LUZP2: variants seen among roughly 807,000 people sequenced by gnomAD.
LUZP2 encodes the protein leucine zipper protein 2.
LUZP2 carries 52 observed loss-of-function variants against 51.6 expected under a neutral mutation model. The ratio of observed to expected loss-of-function variants is 1.01; its 90% CI spans 0.81 to 1.27. The LOEUF is 1.27. Among genes scored for constraint, LUZP2 ranks in the 50% most tolerant of loss-of-function variants. LUZP2 has a pLI of 0.00. For synonymous variants in LUZP2, 154 were observed against 137.3 expected (o/e 1.12, Z -0.85); for missense variants, 436 against 395.4 (o/e 1.10, Z -0.87).
At chr11:25,002,926 G>T (rs949121813) in intron 9 of LUZP2, among the ~76,000 whole-genome samples, 1 of 152,032 alleles carries the variant, frequency 6.6e-6, no homozygotes, top group Non-Finnish European at 1.5e-5. Context: ...TGTATACAGG[G>T]ATCCATAGTC....
intron 5 of LUZP2, among the ~76,000 whole-genome samples, chr11:24,896,821 T>A (rs568535769): frequency 3.9e-4 from 60 of 152,314 alleles, no homozygotes; most frequent in Admixed American, 1.0e-3. Flanking sequence ...TATGCACCAA[T>A]CAGCACTCTG....
intron 1 of LUZP2, among the ~76,000 whole-genome samples, chr11:24,724,929 C>A (rs183229657): frequency 1.8e-4 from 28 of 152,018 alleles, no homozygotes; most frequent in Admixed American, 1.0e-3. Context: ...ATAAGTCTAA[C>A]AAAAAATGAG....
intron 1 of LUZP2, among the ~76,000 whole-genome samples, chr11:24,727,897 G>A (rs534252886): frequency 2.6e-5 from 4 of 151,936 alleles, no homozygotes; most frequent in East Asian, 1.9e-4. Flanking sequence ...TGAGATGAAC[G>A]TATTAATCAT....
At chr11:24,683,809 G>A (rs1293419663) in intron 1 of LUZP2, among the ~76,000 whole-genome samples, 1 of 151,990 alleles carries the variant, frequency 6.6e-6, no homozygotes, top group Non-Finnish European at 1.5e-5. Flanking sequence ...CCTTTAATAG[G>A]TCTATTATGA....
intron 1 of LUZP2, among the ~76,000 whole-genome samples, chr11:24,502,073 G>A (rs75855701): frequency 0.051 from 7,431 of 145,542 alleles, 202 homozygotes; most frequent in Middle Eastern, 0.1. Context: ...GAAGGTAACA[G>A]CCTTCAATTG....
chr11:24,819,445 A>G (rs1442408613), intron 5 of LUZP2, among the ~76,000 whole-genome samples: 1 of 152,096 alleles, frequency 6.6e-6, no homozygotes, highest in Non-Finnish European at 1.5e-5. Flanking sequence ...TCCACATTAT[A>G]TTCCTGGGAT....
intron 1 of LUZP2, among the ~76,000 whole-genome samples, chr11:24,660,226 G>T (rs116255246): frequency 1.3e-5 from 2 of 152,134 alleles, no homozygotes; most frequent in African/African-American, 4.8e-5. Flanking sequence ...CAGTAAAAGC[G>T]TGCCAGTCCA....
At chr11:24,839,064 A>G (rs577866058) in intron 5 of LUZP2, among the ~76,000 whole-genome samples, 1 of 151,778 alleles carries the variant, frequency 6.6e-6, no homozygotes, top group Non-Finnish European at 1.5e-5. Context: ...ATTCAAATTT[A>G]TGTATGAGGA....
chr11:24,938,886 A>G (rs1854664655), intron 7 of LUZP2, among the ~76,000 whole-genome samples: 1 of 152,204 alleles, frequency 6.6e-6, no homozygotes, highest in Non-Finnish European at 1.5e-5. Flanking sequence ...GAACACGTGT[A>G]GGAAAGCACC....
At chr11:24,902,859 T>C (rs1383568805) in intron 5 of LUZP2, among the ~76,000 whole-genome samples, 3 of 152,084 alleles carry the variant, frequency 2.0e-5, no homozygotes, top group African/African-American at 7.2e-5. Flanking sequence ...GCAGCATTAA[T>C]AAGTGAACAA....
At chr11:25,074,770 T>C (rs560385924) in intron 10 of LUZP2, among the ~76,000 whole-genome samples, 3 of 152,232 alleles carry the variant, frequency 2.0e-5, no homozygotes, top group African/African-American at 7.2e-5. Flanking sequence ...CCCATATTTA[T>C]AGGACAGAAT....
chr11:24,875,045 G>T (rs1406146460), intron 5 of LUZP2, among the ~76,000 whole-genome samples: 1 of 152,022 alleles, frequency 6.6e-6, no homozygotes, highest in African/African-American at 2.4e-5. Context: ...CAGAGGAGAC[G>T]CTAGCCCCTT....
chr11:24,516,387 A>G (rs1386676159), intron 1 of LUZP2, among the ~76,000 whole-genome samples: 1 of 152,236 alleles, frequency 6.6e-6, no homozygotes, highest in Non-Finnish European at 1.5e-5. Context: ...AAATCTGGGA[A>G]TAGCCACCCA....
chr11:24,720,361 A>G (rs1339571848), intron 1 of LUZP2, among the ~76,000 whole-genome samples: 1 of 152,234 alleles, frequency 6.6e-6, no homozygotes, highest in Non-Finnish European at 1.5e-5. Context: ...ATAAATGTAA[A>G]AATTATAAGC....
rs1857221898 is a variant in LUZP2, at chr11:25,018,253, CAG to C, written c.766-31780_766-31779del. 2.6e-5 allele frequency among the ~76,000 whole-genome samples: 4 copies of C among 152,202 alleles called. No individual in the cohort carries two copies. The South Asian group carries it at 8.3e-4, about 32-fold the overall frequency. The stretch of plus-strand genomic sequence containing the variant: ...GGTATGCAACCATGGCATTGACAAA[CAG>C]AGAGTTTGACTTCCTCTTTTCCAAT... On this transcript the variant is annotated intron_variant, in intron 9 of 11. Coordinates refer to ENST00000336930, the MANE Select transcript of LUZP2 (RefSeq NM_001009909.4).
chr11:25,034,794 GCTAGTA>G (rs1024943021), intron 9 of LUZP2, among the ~76,000 whole-genome samples: 1 of 151,992 alleles, frequency 6.6e-6, no homozygotes, highest in African/African-American at 2.4e-5. Context: ...CTGTTTTTGT[GCTAGTA>G]CTAAGCTGTT....
intron 1 of LUZP2, among the ~76,000 whole-genome samples, chr11:24,532,718 A>G (rs1813581903): frequency 6.6e-6 from 1 of 151,058 alleles, no homozygotes; most frequent in Admixed American, 6.6e-5. Context: ...GTAATAACTA[A>G]TCTCCTATAG....
intron 10 of LUZP2, among the ~76,000 whole-genome samples, chr11:25,063,485 G>A (rs143478402): frequency 2.0e-5 from 3 of 151,790 alleles, no homozygotes; most frequent in African/African-American, 7.2e-5. Context: ...GAAGAGAGAG[G>A]AGTCTGCTTC....
At chr11:24,708,073 GAGGGTGGAGCAGGTGATTGGAATGT>G (rs1202312803) in intron 1 of LUZP2, among the ~76,000 whole-genome samples, 4 of 152,166 alleles carry the variant, frequency 2.6e-5, no homozygotes, top group East Asian at 1.9e-4. Flanking sequence ...TAATTGGAAT[GAGGGTGGAGCAGGTGATTGGAATGT>G]AGGGTGGAGC....
Sources: gnomAD v4.1 joint callset for allele counts (sites outside exome capture counted in the v4.1 genomes callset) on GRCh38, gnomAD v4.1.1 for gene constraint, MANE v1.5 for transcripts, NCBI Gene and HGNC (gene_info 2026-07-23, HGNC 2026-07-21) for gene names.